Variants in PHLDB2 observed in about 807,000 individuals in gnomAD.
The protein encoded by PHLDB2 is pleckstrin homology-like domain family B member 2.
Under a neutral mutation model 123.6 loss-of-function variants are expected in PHLDB2, and 71 were observed. That is an observed-to-expected ratio of 0.57 (90% CI 0.47 to 0.70). PHLDB2 has a LOEUF of 0.70. PHLDB2 is among the 30% of genes least tolerant of loss of function. The pLI is 0.00. For synonymous variants in PHLDB2, 547 were observed against 541.6 expected (o/e 1.01, Z -0.14); for missense variants, 1,446 against 1,519.5 (o/e 0.95, Z 0.80).
At chr3:111,805,404 CA>C (rs1192389289) in intron 1 of PHLDB2, among the ~76,000 whole-genome samples, 1 of 151,480 alleles carries the variant, frequency 6.6e-6, no homozygotes, top group South Asian at 2.1e-4. Flanking sequence ...ACTAAAAATA[CA>C]AAAAAATTAG....
chr3:111,830,954 A>G (rs1343713593), intron 1 of PHLDB2, among the ~76,000 whole-genome samples: 3,506 of 76,188 alleles, frequency 0.046, 191 homozygotes, highest in Admixed American at 0.056. Context: ...AAAGAAAGAA[A>G]GAGAAAGAAA....
chr3:111,914,595 G>A (rs1040561397), intron 3 of PHLDB2: 4 of 151,858 alleles, frequency 2.6e-5, no homozygotes, highest in Non-Finnish European at 5.9e-5. Context: ...TGTATTTTTT[G>A]ACCCACTTAT....
chr3:111,764,476 A>G (rs1213260877), intron 1 of PHLDB2, among the ~76,000 whole-genome samples: 11 of 152,084 alleles, frequency 7.2e-5, no homozygotes, highest in Admixed American at 5.9e-4. Flanking sequence ...TAAATTGCCT[A>G]TCACCCCTAT....
At chr3:111,830,166 A>G (rs1176560158) in intron 1 of PHLDB2, among the ~76,000 whole-genome samples, 1 of 152,170 alleles carries the variant, frequency 6.6e-6, no homozygotes, top group Non-Finnish European at 1.5e-5. Context: ...GACTGCCAGC[A>G]AAACAGCTTT....
At chr3:111,937,743 C>A (rs1312805866) in intron 6 of PHLDB2, among the ~76,000 whole-genome samples, 1 of 148,752 alleles carries the variant, frequency 6.7e-6, no homozygotes, top group Non-Finnish European at 1.5e-5. Flanking sequence ...CCATGGCACT[C>A]CAGCCTGAGT....
At chr3:111,961,120 C>T (rs1380196549) in intron 12 of PHLDB2, among the ~76,000 whole-genome samples, 1 of 152,144 alleles carries the variant, frequency 6.6e-6, no homozygotes, top group Non-Finnish European at 1.5e-5. Flanking sequence ...ATCACAAGGT[C>T]AAGAGATCAG....
rs115300076 is a variant in PHLDB2, at chr3:111,891,702, T to C, written c.1335+6290T>C. Among the ~76,000 whole-genome samples the C allele has an allele frequency of 4.6e-3, 698 of 152,068 alleles. 2 individuals are homozygous for C. The highest frequency in any genetic ancestry group is 0.016 in the African/African-American group (671 of 41,478). ...ATGAGACCAATCCTGTTGCCAAAAA[T>C]TTTGCGGACTGCTGTTCTAGAGGTT... On this transcript the variant is annotated intron_variant, in intron 2 of 17. Coordinates refer to ENST00000431670, the MANE Select transcript of PHLDB2 (RefSeq NM_001134438.2).
chr3:111,848,081 G>A lies in PHLDB2; in HGVS notation c.67+2146G>A, dbSNP rs955692470. On this transcript the variant is annotated intron_variant, in intron 2 of 17. Transcript: ENST00000393923. ...ATACCTCTGTGTAGGTAGGCAGTAT[G>A]CGACCCTCACCTTCCCCCGTGTACA... Among the ~76,000 whole-genome samples the A allele has an allele frequency of 3.9e-5, 6 of 152,256 alleles. No homozygotes were observed. The East Asian group carries it at 1.2e-3, about 29-fold the overall frequency.
At chr3:111,739,597 CA>C (rs576933911) in intron 1 of PHLDB2, among the ~76,000 whole-genome samples, 30,870 of 106,032 alleles carry the variant, frequency 0.29, 4,737 homozygotes, top group Non-Finnish European at 0.37. Flanking sequence ...ACAAAACAAA[CA>C]AAAAAAAAAA....
intron 2 of PHLDB2, among the ~76,000 whole-genome samples, chr3:111,895,646 G>A (rs1402019656): frequency 2.0e-5 from 3 of 152,036 alleles, no homozygotes; most frequent in Non-Finnish European, 4.4e-5. Flanking sequence ...TCAGGAGTTC[G>A]AGACCACCCT....
At chr3:111,893,703 A>C (rs2107387868) in intron 2 of PHLDB2, among the ~76,000 whole-genome samples, 1 of 149,652 alleles carries the variant, frequency 6.7e-6, no homozygotes, top group Admixed American at 6.6e-5. Flanking sequence ...GATTTAGCTC[A>C]GAAATATGAT....
Position 111,974,416 on chromosome 3 carries a change from A to T in PHLDB2, c.3622-7A>T, listed in dbSNP as rs1262433188. 5.1e-6 allele frequency: 8 copies of T among 1,579,460 alleles called. No individual in the cohort carries two copies. The highest frequency in any genetic ancestry group is 3.5e-5 in the South Asian group (3 of 85,606). On this transcript the variant is annotated splice_polypyrimidine_tract_variant and splice_region_variant and intron_variant, in intron 17 of 17. Transcript: ENST00000431670. ...TTTTACATTCTTTTTCCTTTTTTGA[A>T]TTTTAGAGTCCTAATCCGTTACTCA...
chr3:111,859,168 A>G, upstream of PHLDB2: 19 of 984,746 alleles, frequency 1.9e-5, no homozygotes, highest in Non-Finnish European at 2.3e-5. Context: ...GTTTCCCAAT[A>G]GATACTTCGC....
Position 111,976,446 on chromosome 3 carries a change from A to G in PHLDB2, c.*1883A>G, listed in dbSNP as rs1331498550. 3.3e-5 allele frequency: 5 copies of G among 152,248 alleles called. No homozygotes were observed. Among genetic ancestry groups the G allele is most frequent in the African/African-American group, 9.6e-5 (4 of 41,470 alleles). 9.4% of individuals were successfully genotyped at this position (152,248 alleles called of 1,614,324 possible). On this transcript the variant is annotated 3_prime_UTR_variant, in exon 18 of 18. Transcript: ENST00000431670. Reference sequence around the variant, plus strand: ...TACATCCTATTGCTTACAAAATGAAATGAACCCTGAAAAACTCTGACATCA... The same window carrying G: ...TACATCCTATTGCTTACAAAATGAAGTGAACCCTGAAAAACTCTGACATCA...
intron 13 of PHLDB2, among the ~76,000 whole-genome samples, chr3:111,962,929 CAAAAAAAAAA>C (rs57625439): frequency 2.1e-5 from 2 of 93,832 alleles, no homozygotes; most frequent in Non-Finnish European, 4.3e-5. Context: ...AACTCCATCT[CAAAAAAAAAA>C]AAAAAAAAAA....
Position 111,884,273 on chromosome 3 carries a change from G to A in PHLDB2, c.196G>A (p.Val66Met). Residue 66 changes from valine (V) to methionine (M), a missense_variant, in exon 2 of 18, where the codon GTG (valine) becomes ATG (methionine). Physicochemically the swap from Val to Met is conservative, Grantham distance 21. Coordinates refer to ENST00000431670, the MANE Select transcript of PHLDB2 (RefSeq NM_001134438.2). ...CTCCTATTTAACCCTCTCACAACCT[G>A]TGCCTGCAAAGAGAAGCCCTTCTCC... The part of the protein sequence containing the change: ...SGSYLTLSQP[V>M]PAKRSPSPLG... 1 of 1,614,146 alleles carries A rather than the reference G, an allele frequency of 6.2e-7. No individual in the cohort carries two copies. Among genetic ancestry groups the A allele is most frequent in the Admixed American group, 1.7e-5 (1 of 60,018 alleles).
chr3:111,903,188 G>A (rs940617794), intron 2 of PHLDB2, among the ~76,000 whole-genome samples: 12 of 152,196 alleles, frequency 7.9e-5, no homozygotes, highest in African/African-American at 2.9e-4. Flanking sequence ...TTCAGTAAGG[G>A]GGGGACACCC....
intron 3 of PHLDB2, chr3:111,915,232 G>A (rs2068103555): frequency 6.6e-6 from 1 of 152,130 alleles, no homozygotes; most frequent in Admixed American, 6.5e-5. Flanking sequence ...GGAAGATATT[G>A]TCATGGTACT....
At chr3:111,905,891 A>G (rs1391076318) in intron 2 of PHLDB2, among the ~76,000 whole-genome samples, 2 of 152,156 alleles carry the variant, frequency 1.3e-5, no homozygotes, top group African/African-American at 4.8e-5. Flanking sequence ...GATGACACCC[A>G]TTATAATTTT....
Sources: gnomAD v4.1 joint callset for allele counts (sites outside exome capture counted in the v4.1 genomes callset) on GRCh38, gnomAD v4.1.1 for gene constraint, MANE v1.5 for transcripts, NCBI Gene and HGNC (gene_info 2026-07-23, HGNC 2026-07-21) for gene names.